The following TENT4B variants were observed in gnomAD, a reference collection of about 807,000 sequenced individuals.
TENT4B encodes terminal nucleotidyltransferase 4B.
In TENT4B, 10 loss-of-function variants were observed where a neutral mutation model predicts 75.0. The ratio of observed to expected loss-of-function variants is 0.13; its 90% CI spans 0.08 to 0.23. TENT4B has a LOEUF of 0.23. TENT4B is among the 10% of genes least tolerant of loss of function. The pLI is 1.00. For missense variants in TENT4B, 579 were observed against 893.8 expected (o/e 0.65, Z 4.49); for synonymous variants, 350 against 357.7 (o/e 0.98, Z 0.24).
At chr16:50,226,549 C>G (rs984936284) in intron 10 of TENT4B, among the ~76,000 whole-genome samples, 63 of 152,254 alleles carry the variant, frequency 4.1e-4, no homozygotes, top group African/African-American at 1.4e-3. Context: ...CTGCCTCAGC[C>G]TCCCAAGTAG....
At chr16:50,185,114 C>T (rs2038500857) in intron 1 of TENT4B, among the ~76,000 whole-genome samples, 1 of 152,138 alleles carries the variant, frequency 6.6e-6, no homozygotes, top group Non-Finnish European at 1.5e-5. Flanking sequence ...AGCAAAGAAG[C>T]AAGCTCCAAG....
rs79188037 is a variant in TENT4B at position 50,160,924 on chromosome 16, A to G, written c.638+6665A>G. 2.0e-3 allele frequency among the ~76,000 whole-genome samples: 310 copies of G among 152,330 alleles called. 7 individuals carry two copies. The East Asian group carries it at 0.056, about 27-fold the overall frequency. On this transcript the variant is annotated intron_variant, in intron 1 of 11. Transcript: ENST00000561678. ...ATTAATCACTTACACACACATAGGT[A>G]TAGAGTAATCTTGAAGGGGCTGTAG...
At chr16:50,182,891 C>CTTTTTTTTTTATTTTTTTTTT (rs2038444194) in intron 1 of TENT4B, among the ~76,000 whole-genome samples, 1 of 36,458 alleles carries the variant, frequency 2.7e-5, no homozygotes, top group South Asian at 2.0e-3. Flanking sequence ...TTTATTTTAC[C>CTTTTTTTTTTATTTTTTTTTT]TTTTTTTTTT....
At chr16:50,215,642 G>C (rs998140392) in intron 3 of TENT4B, among the ~76,000 whole-genome samples, 3 of 152,106 alleles carry the variant, frequency 2.0e-5, no homozygotes, top group African/African-American at 7.2e-5. Context: ...AAAAGGACAT[G>C]TGTGTATATT....
intron 1 of TENT4B, among the ~76,000 whole-genome samples, chr16:50,164,542 C>T (rs1247733027): frequency 6.7e-6 from 1 of 149,492 alleles, no homozygotes; most frequent in Non-Finnish European, 1.5e-5. Flanking sequence ...CTCCTGACCT[C>T]GTGATCCACC....
intron 1 of TENT4B, among the ~76,000 whole-genome samples, chr16:50,156,193 C>T (rs2037895947): frequency 6.6e-6 from 1 of 152,010 alleles, no homozygotes; most frequent in South Asian, 2.1e-4. Context: ...TTTGCCTCCT[C>T]CCTTAGAGGA....
intron 1 of TENT4B, among the ~76,000 whole-genome samples, chr16:50,173,725 G>A (rs1000496769): frequency 9.9e-5 from 15 of 152,002 alleles, no homozygotes; most frequent in Admixed American, 7.2e-4. Context: ...ATGGAATCTC[G>A]CTCTATTGCC....
intron 1 of TENT4B, among the ~76,000 whole-genome samples, chr16:50,190,186 T>C (rs2150707959): frequency 1.3e-5 from 2 of 152,132 alleles, no homozygotes; most frequent in South Asian, 4.1e-4. Flanking sequence ...AGTATTGATA[T>C]TATACCATAG....
rs1029317724 is a variant in TENT4B at position 50,222,486 on chromosome 16, A to G, written c.1167+52A>G. On this transcript the variant is annotated intron_variant, in intron 6 of 11. Coordinates refer to ENST00000561678, the MANE Select transcript of TENT4B (RefSeq NM_001365324.3). ...GTGCACACTAAAAGCAAAAGTGATC[A>G]ATCAGCTGGGAAACATTTTGGAAAA... 46 of 1,573,240 alleles carry G rather than the reference A, an allele frequency of 2.9e-5. No individual in the cohort carries two copies. The African/African-American group carries it at 5.5e-4, about 19-fold the overall frequency.
At chr16:50,215,948 T>G in intron 3 of TENT4B, 127 bp from the exon 4 acceptor site, 1 of 1,115,926 alleles carries the variant, frequency 9.0e-7, no homozygotes, top group East Asian at 2.4e-5. Flanking sequence ...CACCAACACA[T>G]TTAGTCTTCG....
At chr16:50,181,795 T>G (rs2038421278) in intron 1 of TENT4B, among the ~76,000 whole-genome samples, 1 of 152,202 alleles carries the variant, frequency 6.6e-6, no homozygotes, top group Non-Finnish European at 1.5e-5. Context: ...CTAAATTGTC[T>G]TTCAGCCAAA....
chr16:50,197,608 A>G (rs1596707652), intron 1 of TENT4B, among the ~76,000 whole-genome samples: 1 of 152,168 alleles, frequency 6.6e-6, no homozygotes, highest in Non-Finnish European at 1.5e-5. Context: ...TTGAGCAAAG[A>G]ATGATTTGCA....
At chr16:50,197,377 C>T (rs1408263362) in intron 1 of TENT4B, among the ~76,000 whole-genome samples, 1 of 152,192 alleles carries the variant, frequency 6.6e-6, no homozygotes. Context: ...CAACCTCCGC[C>T]TTCTGGGTTC....
At chr16:50,205,944 T>C (rs2030941380) in intron 1 of TENT4B, among the ~76,000 whole-genome samples, 1 of 152,172 alleles carries the variant, frequency 6.6e-6, no homozygotes, top group Non-Finnish European at 1.5e-5. Context: ...TTTTTTATGC[T>C]TTTTCTTTCC....
At chr16:50,168,184 T>C (rs1480570667) in intron 1 of TENT4B, among the ~76,000 whole-genome samples, 1 of 152,196 alleles carries the variant, frequency 6.6e-6, no homozygotes, top group Non-Finnish European at 1.5e-5. Flanking sequence ...TGCATATGTC[T>C]TTACATTCTT....
chr16:50,154,367 C>G, intron 1 of TENT4B, 108 bp downstream of exon 1: 1 of 1,335,578 alleles, frequency 7.5e-7, no homozygotes, highest in Non-Finnish European at 9.6e-7. Flanking sequence ...CCCCCACGGC[C>G]TGCCTTCGCT....
At chr16:50,194,592 C>G (rs766560357) in intron 1 of TENT4B, among the ~76,000 whole-genome samples, 86 of 151,746 alleles carry the variant, frequency 5.7e-4, no homozygotes, top group Non-Finnish European at 1.0e-3. Flanking sequence ...GCTCTGTTGC[C>G]CAGGCTGAAG....
At chr16:50,210,022 C>A (rs1281149388) in intron 1 of TENT4B, among the ~76,000 whole-genome samples, 1 of 152,138 alleles carries the variant, frequency 6.6e-6, no homozygotes, top group Non-Finnish European at 1.5e-5. Flanking sequence ...TAAGCTGTGG[C>A]TGCCCTTCCT....
rs1383293650 is a variant in TENT4B at position 50,217,776 on chromosome 16, T to TCTCTCTCTCTCTCTC, written c.1038+113_1038+114insCTCTCTCTCTCTCTC. ...CATGTTGCTGTCTCTCTCTCTCTCT[T>TCTCTCTCTCTCTCTC]TTAAATAGAGCTAGGGTCTCACTCT... On this transcript the variant is annotated intron_variant, in intron 5 of 11. Transcript: ENST00000561678. 9.3e-4 allele frequency: 12 copies of TCTCTCTCTCTCTCTC among 12,932 alleles called. No individual in the cohort carries two copies. The South Asian group carries it at 0.012, about 13-fold the overall frequency. 0.8% of individuals were successfully genotyped at this position (12,932 alleles called of 1,614,324 possible). A position where few individuals can be genotyped will look rare whatever the true frequency, so the allele number is the denominator to read the frequency against.
Sources: gnomAD v4.1 joint callset for allele counts (sites outside exome capture counted in the v4.1 genomes callset) on GRCh38, gnomAD v4.1.1 for gene constraint, MANE v1.5 for transcripts, NCBI Gene and HGNC (gene_info 2026-07-23, HGNC 2026-07-21) for gene names.